KIF13B: variants seen among roughly 807,000 people sequenced by gnomAD.
KIF13B encodes kinesin-like protein KIF13B.
Under a neutral mutation model 222.0 loss-of-function variants are expected in KIF13B, and 127 were observed. The ratio of observed to expected loss-of-function variants is 0.57; its 90% CI spans 0.50 to 0.66. KIF13B has a LOEUF of 0.66. Ranked by LOEUF, KIF13B falls within the 30% of genes least tolerant of loss-of-function variation. The pLI is 0.00. For missense variants in KIF13B, 2,173 were observed against 2,379.0 expected (o/e 0.91, Z 1.80); for synonymous variants, 976 against 919.0 (o/e 1.06, Z -1.12).
At chr8:29,075,257 C>T (rs1474525920) in intron 38 of KIF13B, 24 bp downstream of exon 38, 19 of 1,550,694 alleles carry the variant, frequency 1.2e-5, no homozygotes, top group East Asian at 4.9e-5. Flanking sequence ...GGTGGGGTGG[C>T]CACCCGTGAC....
chr8:29,257,869 T>C (rs1816544439), intron 1 of KIF13B, among the ~76,000 whole-genome samples: 1 of 152,006 alleles, frequency 6.6e-6, no homozygotes, highest in African/African-American at 2.4e-5. Context: ...AACAGGAGAT[T>C]TGGGGAAAAG....
chr8:29,150,837 G>A (rs1258832342), intron 14 of KIF13B, among the ~76,000 whole-genome samples: 2 of 151,832 alleles, frequency 1.3e-5, no homozygotes, highest in African/African-American at 2.4e-5. Flanking sequence ...CCCTCTCCTC[G>A]GGTCTCTTTA....
At chr8:29,164,627 T>A (rs926110441) in intron 12 of KIF13B, among the ~76,000 whole-genome samples, 1 of 152,170 alleles carries the variant, frequency 6.6e-6, no homozygotes, top group African/African-American at 2.4e-5. Flanking sequence ...AGTAAAAGAA[T>A]AAAAGACTGA....
intron 1 of KIF13B, among the ~76,000 whole-genome samples, chr8:29,262,058 G>C (rs149412457): frequency 1.1e-4 from 17 of 152,122 alleles, no homozygotes; most frequent in East Asian, 5.8e-4. Context: ...CAGTAATAGT[G>C]ACCCCCAATG....
chr8:29,178,881 A>T (rs1387887393), intron 8 of KIF13B, among the ~76,000 whole-genome samples: 1 of 152,206 alleles, frequency 6.6e-6, no homozygotes, highest in East Asian at 1.9e-4. Context: ...ATAATAAAAT[A>T]TGTAAAATTC....
intron 26 of KIF13B, 112 bp from the exon 27 acceptor site, chr8:29,124,235 C>A: frequency 1.6e-6 from 1 of 616,578 alleles, no homozygotes; most frequent in Non-Finnish European, 2.8e-6. Context: ...AGGTAGTATA[C>A]AATAATTTCT....
chr8:29,147,436 G>A lies in KIF13B; in HGVS notation c.1980C>T (p.His660=), dbSNP rs765969531. 3.1e-6 allele frequency: 5 copies of A among 1,611,676 alleles called. No homozygotes were observed. The highest frequency in any genetic ancestry group is 1.7e-5 in the Admixed American group (1 of 59,734). Reference sequence around the variant, plus strand: ...TTAAGCGTTGCTGAGCGCTGGGCGAGTGGAAAGAAAACCTGTCCATGCTCC... The same window carrying A: ...TTAAGCGTTGCTGAGCGCTGGGCGAATGGAAAGAAAACCTGTCCATGCTCC... The part of the protein sequence containing the change: ...NCRSMDRFSF[H]SPSAQQRLRQ... Residue 660 remains histidine, a synonymous_variant, in exon 17 of 40, where the codon CAC becomes CAT. Coordinates refer to ENST00000524189, the MANE Select transcript of KIF13B (RefSeq NM_015254.4).
intron 35 of KIF13B, among the ~76,000 whole-genome samples, chr8:29,102,960 C>T (rs985811433): frequency 6.6e-6 from 1 of 152,138 alleles, no homozygotes. Context: ...ATGATTTTGT[C>T]GGCCAGGTGC....
At chr8:29,117,422 A>G (rs1809654414) in intron 30 of KIF13B, among the ~76,000 whole-genome samples, 1 of 152,140 alleles carries the variant, frequency 6.6e-6, no homozygotes, top group South Asian at 2.1e-4. Flanking sequence ...ATATCTAGGA[A>G]ATTTAACAGG....
chr8:29,078,074 G>C (rs1807644092), intron 37 of KIF13B, among the ~76,000 whole-genome samples: 1 of 150,534 alleles, frequency 6.6e-6, no homozygotes, highest in South Asian at 2.1e-4. Flanking sequence ...CCTGAGGTCA[G>C]GAGTTTGGGA....
rs748411980 is a variant in KIF13B, at chr8:29,140,044, G to A, written c.2613+19C>T. ...TGACTTTTGTATCAACGTAATACTA[G>A]GATGAAGCTGGGACTTACCATGCAC... On this transcript the variant is annotated intron_variant, in intron 21 of 39. Coordinates refer to ENST00000524189, the MANE Select transcript of KIF13B (RefSeq NM_015254.4). The A allele has an allele frequency of 7.7e-6, 12 of 1,557,830 alleles. No homozygotes were observed. The Admixed American group carries it at 1.6e-4, about 21-fold the overall frequency.
intron 8 of KIF13B, 89 bp from the exon 9 acceptor site, chr8:29,177,667 C>T (rs1424956827): frequency 1.1e-6 from 1 of 870,334 alleles, no homozygotes; most frequent in Non-Finnish European, 2.0e-6. Context: ...TTTGGGAGGA[C>T]AAGGAAGGAG....
At chr8:29,168,740 A>C (rs1586872902) in intron 10 of KIF13B, among the ~76,000 whole-genome samples, 1 of 152,114 alleles carries the variant, frequency 6.6e-6, no homozygotes, top group Non-Finnish European at 1.5e-5. Context: ...GCAGCCCCCC[A>C]TCCCCAACAC....
At chr8:29,079,286 G>A (rs1471891800) in intron 37 of KIF13B, among the ~76,000 whole-genome samples, 1 of 152,194 alleles carries the variant, frequency 6.6e-6, no homozygotes, top group African/African-American at 2.4e-5. Flanking sequence ...GCTCATGCAT[G>A]ATCGAATTCT....
intron 15 of KIF13B, among the ~76,000 whole-genome samples, chr8:29,150,090 A>G (rs1811231621): frequency 6.6e-6 from 1 of 152,250 alleles, no homozygotes; most frequent in African/African-American, 2.4e-5. Flanking sequence ...GTATTTTTCC[A>G]GAGTATATTG....
chr8:29,098,602 C>CA (rs202180136), intron 36 of KIF13B, among the ~76,000 whole-genome samples: 2,848 of 60,570 alleles, frequency 0.047, 74 homozygotes, highest in African/African-American at 0.12. Flanking sequence ...GACTCTGTCT[C>CA]AAAAAAAAAA....
chr8:29,206,596 G>C (rs1778990865), intron 2 of KIF13B, among the ~76,000 whole-genome samples: 1 of 152,138 alleles, frequency 6.6e-6, no homozygotes, highest in African/African-American at 2.4e-5. Flanking sequence ...TTTTCACCTT[G>C]AAATGTCTCA....
At chr8:29,112,025 T>C (rs755645114) in intron 32 of KIF13B, among the ~76,000 whole-genome samples, 5 of 152,240 alleles carry the variant, frequency 3.3e-5, no homozygotes, top group African/African-American at 1.2e-4. Flanking sequence ...ATATTTACTA[T>C]GCAAGTCTAA....
At chr8:29,177,931 G>T (rs925255356) in intron 8 of KIF13B, among the ~76,000 whole-genome samples, 4 of 152,000 alleles carry the variant, frequency 2.6e-5, no homozygotes, top group Admixed American at 2.6e-4. Flanking sequence ...ACAAAAAGCA[G>T]TTCTGTCACA....
Sources: allele counts gnomAD v4.1 joint callset (sites outside exome capture counted in the v4.1 genomes callset), GRCh38; gene constraint gnomAD v4.1.1; transcripts MANE v1.5; gene names NCBI Gene and HGNC (gene_info 2026-07-23, HGNC 2026-07-21).